KIF27: variants seen among roughly 807,000 people sequenced by gnomAD.
The protein encoded by KIF27 is kinesin-like protein KIF27.
KIF27 carries 84 observed loss-of-function variants against 141.8 expected under a neutral mutation model. The observed-to-expected ratio is 0.59, with a 90% confidence interval of 0.50 to 0.71. The LOEUF (loss-of-function observed/expected upper bound fraction) is 0.71, where lower values mean the gene tolerates loss of function less well. Among genes scored for constraint, KIF27 ranks in the 30% least tolerant of loss-of-function variants. KIF27 has a pLI of 0.00. For synonymous variants in KIF27, 471 were observed against 569.5 expected (o/e 0.83, Z 2.46); for missense variants, 1,306 against 1,628.4 (o/e 0.80, Z 3.41).
chr9:83,879,692 G>A (rs1951518601), intron 11 of KIF27, among the ~76,000 whole-genome samples: 1 of 152,014 alleles, frequency 6.6e-6, no homozygotes, highest in South Asian at 2.1e-4. Flanking sequence ...CAGACTCAGA[G>A]AGGGTAAAAT....
intron 16 of KIF27, among the ~76,000 whole-genome samples, chr9:83,848,424 A>G (rs141184308): frequency 0.014 from 1,909 of 135,002 alleles, 20 homozygotes; most frequent in Non-Finnish European, 0.023. Context: ...ATATATGTAT[A>G]TATCTATATA....
intron 17 of KIF27, among the ~76,000 whole-genome samples, chr9:83,839,198 T>C (rs1454389447): frequency 1.3e-5 from 2 of 152,052 alleles, no homozygotes; most frequent in East Asian, 3.9e-4. Context: ...GGTGACAGTA[T>C]CTGGGGGAAG....
intron 5 of KIF27, among the ~76,000 whole-genome samples, chr9:83,893,026 A>G (rs1203587504): frequency 6.6e-6 from 1 of 152,170 alleles, no homozygotes; most frequent in East Asian, 1.9e-4. Context: ...CTTGAGCCCA[A>G]GAGTTTGAGA....
chr9:83,918,920 A>C (rs1955974313), intron 1 of KIF27, among the ~76,000 whole-genome samples: 1 of 152,192 alleles, frequency 6.6e-6, no homozygotes, highest in Non-Finnish European at 1.5e-5. Context: ...TACTAAAAAT[A>C]CAAAAATTAG....
Position 83,915,752 on chromosome 9 carries a change from GCAAAGT to G in KIF27, c.-87-80_-87-75del, listed in dbSNP as rs1272001894. The G allele has an allele frequency of 1.6e-5, 10 of 628,154 alleles. No homozygotes were observed. The African/African-American group carries it at 1.7e-4, about 10-fold the overall frequency. The allele number at this position is 628,154 out of a possible 1,614,324, so 38.9% of individuals were successfully genotyped here. A position where few individuals can be genotyped will look rare whatever the true frequency, so the allele number is the denominator to read the frequency against. ...CCCAATAAACTAACCACCTTCTAAAGCAAAGTCAATTAGAACAGGTTTTGTTCCAAT... is the reference window on the plus strand; with the variant it reads ...CCCAATAAACTAACCACCTTCTAAAGCAATTAGAACAGGTTTTGTTCCAAT... On this transcript the variant is annotated intron_variant, in intron 1 of 17. Coordinates refer to ENST00000297814, the MANE Select transcript of KIF27 (RefSeq NM_017576.4).
intron 14 of KIF27, among the ~76,000 whole-genome samples, chr9:83,856,538 C>G (rs553663603): frequency 4.0e-5 from 6 of 151,872 alleles, no homozygotes; most frequent in Admixed American, 3.3e-4. Context: ...GTCAGGAGAT[C>G]GAGACCATCT....
At chr9:83,907,086 C>G (rs1954627467) in intron 3 of KIF27, among the ~76,000 whole-genome samples, 1 of 151,690 alleles carries the variant, frequency 6.6e-6, no homozygotes, top group Non-Finnish European at 1.5e-5. Flanking sequence ...GTCAGGAGAT[C>G]AAGACAATCC....
intron 2 of KIF27, among the ~76,000 whole-genome samples, chr9:83,913,752 C>A (rs1274118462): frequency 6.6e-6 from 1 of 152,110 alleles, no homozygotes; most frequent in Non-Finnish European, 1.5e-5. Flanking sequence ...TGATATTTTA[C>A]ATTGTTAAAT....
intron 10 of KIF27, among the ~76,000 whole-genome samples, chr9:83,882,564 A>G (rs1158282614): frequency 6.6e-6 from 1 of 152,184 alleles, no homozygotes; most frequent in Non-Finnish European, 1.5e-5. Context: ...TGTCCTCCTC[A>G]TCCTCCTTAT....
chr9:83,883,113 A>G (rs1302019084), intron 10 of KIF27, among the ~76,000 whole-genome samples: 1 of 152,200 alleles, frequency 6.6e-6, no homozygotes, highest in Admixed American at 6.5e-5. Flanking sequence ...TAGGTTAATT[A>G]CAACTCTACC....
intron 16 of KIF27, chr9:83,848,027 C>CA: frequency 2.9e-5 from 3 of 105,120 alleles, no homozygotes; most frequent in Non-Finnish European, 6.3e-5. Flanking sequence ...TATGCTATAT[C>CA]TATATCTATA....
At position 83,865,435 on chromosome 9, in the gene KIF27, T is replaced by C. The variant is rs151331143; in HGVS notation, c.2934+2249A>G. On this transcript the variant is annotated intron_variant, in intron 13 of 17. Transcript: ENST00000297814. ...GCCTCAGCTCCCAAGTACCTGGGAT[T>C]ACAGGTGCCCACAACCACGCCTGGC... 2.2e-3 allele frequency among the ~76,000 whole-genome samples: 342 copies of C among 152,200 alleles called. 1 individual carries two copies. The highest frequency in any genetic ancestry group is 7.9e-3 in the African/African-American group (327 of 41,546).
chr9:83,881,820 TCA>T (rs1244907799), intron 10 of KIF27, among the ~76,000 whole-genome samples: 2 of 152,204 alleles, frequency 1.3e-5, no homozygotes, highest in African/African-American at 4.8e-5. Flanking sequence ...ATTAAAAATA[TCA>T]GTGTACATCC....
At chr9:83,899,383 G>A (rs1266732530) in intron 5 of KIF27, among the ~76,000 whole-genome samples, 1 of 152,088 alleles carries the variant, frequency 6.6e-6, no homozygotes, top group Non-Finnish European at 1.5e-5. Context: ...CAAACAACAG[G>A]AAGGAAAAGT....
At chr9:83,852,377 T>TG (rs1948705595) in intron 15 of KIF27, among the ~76,000 whole-genome samples, 1 of 149,248 alleles carries the variant, frequency 6.7e-6, no homozygotes, top group Admixed American at 6.7e-5. Flanking sequence ...GGCGTGAACC[T>TG]GGGAGGCAGA....
At chr9:83,893,498 T>C (rs1420881899) in intron 5 of KIF27, among the ~76,000 whole-genome samples, 1 of 151,592 alleles carries the variant, frequency 6.6e-6, no homozygotes, top group Non-Finnish European at 1.5e-5. Context: ...TAAAGAAAAA[T>C]AAATCCCCCA....
intron 4 of KIF27, among the ~76,000 whole-genome samples, chr9:83,902,205 T>C (rs1482873017): frequency 6.6e-6 from 1 of 152,156 alleles, no homozygotes; most frequent in Non-Finnish European, 1.5e-5. Flanking sequence ...AGCTTAGAGC[T>C]TAAAAAAAAG....
intron 15 of KIF27, among the ~76,000 whole-genome samples, chr9:83,851,054 T>A (rs1948528804): frequency 1.3e-5 from 2 of 151,652 alleles, no homozygotes; most frequent in Non-Finnish European, 2.9e-5. Flanking sequence ...GCTAGGATGG[T>A]CTCAATCTCC....
intron 14 of KIF27, among the ~76,000 whole-genome samples, chr9:83,856,662 A>G (rs1405379905): frequency 1.3e-5 from 2 of 150,620 alleles, no homozygotes; most frequent in African/African-American, 4.9e-5. Flanking sequence ...AATCGCTTGA[A>G]CCAGGCAGGC....
Sources: allele counts gnomAD v4.1 joint callset (sites outside exome capture counted in the v4.1 genomes callset), GRCh38; gene constraint gnomAD v4.1.1; transcripts MANE v1.5; gene names NCBI Gene and HGNC (gene_info 2026-07-23, HGNC 2026-07-21).